Variants in DCAF8L2 observed in about 807,000 individuals in gnomAD.
DCAF8L2 encodes the protein DDB1 and CUL4 associated factor 8 like 2.
For missense variants in DCAF8L2, 430 were observed against 490.7 expected (o/e 0.88, Z 1.17); for synonymous variants, 200 against 190.9 (o/e 1.05, Z -0.39).
chrX:27,615,838 T>G (rs1252419984), intron 1 of DCAF8L2, among the ~76,000 whole-genome samples: 1 of 111,356 alleles, frequency 9.0e-6, no homozygotes, highest in East Asian at 2.8e-4. Context: ...TTAAAGTTTA[T>G]GAACTTCAGA....
chrX:27,499,788 G>A, the DCAF8L2 span, among the ~76,000 whole-genome samples: 1 of 110,167 alleles, frequency 9.1e-6, no homozygotes, highest in Admixed American at 9.7e-5. Flanking sequence ...GTCCAATCAG[G>A]TCCCACCCGC....
At chrX:27,568,267 T>A in the DCAF8L2 span, among the ~76,000 whole-genome samples, 3 of 111,570 alleles carry the variant, frequency 2.7e-5, no homozygotes, top group Non-Finnish European at 3.8e-5. Flanking sequence ...AAAGTAATAT[T>A]GCTGATTTGT....
At chrX:27,582,003 T>A in the DCAF8L2 span, among the ~76,000 whole-genome samples, 21,774 of 111,723 alleles carry the variant, frequency 0.19, 1,815 homozygotes, top group East Asian at 0.36. Context: ...AAAGATGTAG[T>A]TGTTCACTTG....
chrX:27,601,197 A>C (rs1247997311), intron 1 of DCAF8L2, among the ~76,000 whole-genome samples: 1 of 111,893 alleles, frequency 8.9e-6, no homozygotes, highest in Non-Finnish European at 1.9e-5. Context: ...TTTTTCCAAG[A>C]GTCTTTGGCA....
At chrX:27,645,108 A>T (rs1195361681) in intron 2 of DCAF8L2, among the ~76,000 whole-genome samples, 2 of 111,805 alleles carry the variant, frequency 1.8e-5, no homozygotes, top group Non-Finnish European at 3.8e-5. Flanking sequence ...CCTGGCACAG[A>T]TATAACAGAA....
chrX:27,587,983 A>ATAT (rs1364508107), upstream of DCAF8L2, among the ~76,000 whole-genome samples: 2 of 25,130 alleles, frequency 8.0e-5, no homozygotes, highest in African/African-American at 3.6e-4. Context: ...ATTAAAAAAA[A>ATAT]AAATATATAT....
the DCAF8L2 span, among the ~76,000 whole-genome samples, chrX:27,481,349 G>A: frequency 2.7e-5 from 3 of 110,783 alleles, no homozygotes; most frequent in Non-Finnish European, 3.8e-5. Context: ...TTGCACTCCA[G>A]CCTGGGCAAC....
At chrX:27,591,490 C>G (rs1926090321) in intron 1 of DCAF8L2, among the ~76,000 whole-genome samples, 1 of 111,428 alleles carries the variant, frequency 9.0e-6, no homozygotes, top group South Asian at 3.8e-4. Flanking sequence ...CCCCTTCCCT[C>G]TACCTCTCTC....
At chrX:27,556,077 C>T in the DCAF8L2 span, among the ~76,000 whole-genome samples, 1 of 111,361 alleles carries the variant, frequency 9.0e-6, no homozygotes, top group Non-Finnish European at 1.9e-5. Context: ...TGAAACTTCA[C>T]CTTCTCCAAT....
chrX:27,644,743 T>A (rs960125024), intron 2 of DCAF8L2, among the ~76,000 whole-genome samples: 2 of 111,717 alleles, frequency 1.8e-5, no homozygotes, highest in African/African-American at 6.5e-5. Context: ...GAGGGACTCA[T>A]CCCTAACTCT....
chrX:27,623,571 T>A (rs6630529), intron 1 of DCAF8L2, among the ~76,000 whole-genome samples: 19,589 of 109,363 alleles, frequency 0.18, 1,447 homozygotes, highest in East Asian at 0.4. Flanking sequence ...GTAAAAAAAA[T>A]TTGGGAAAGT....
At chrX:27,682,263 C>T (rs998197551) in intron 3 of DCAF8L2, among the ~76,000 whole-genome samples, 2 of 111,897 alleles carry the variant, frequency 1.8e-5, no homozygotes, top group Non-Finnish European at 3.8e-5. Flanking sequence ...CTGTGCCCAG[C>T]TGGTTTTAAT....
chrX:27,530,442 A>G, the DCAF8L2 span, among the ~76,000 whole-genome samples: 3 of 111,070 alleles, frequency 2.7e-5, no homozygotes, highest in African/African-American at 9.8e-5. Context: ...GGTTGAGTGT[A>G]GAGCAGATAA....
chrX:27,647,210 C>T (rs1393510859), intron 2 of DCAF8L2, among the ~76,000 whole-genome samples: 1 of 112,070 alleles, frequency 8.9e-6, no homozygotes, highest in African/African-American at 3.2e-5. Context: ...ACATATACAC[C>T]ATGGAGTACT....
intron 1 of DCAF8L2, among the ~76,000 whole-genome samples, chrX:27,593,697 T>C (rs1926222218): frequency 8.9e-6 from 1 of 111,909 alleles, no homozygotes; most frequent in Non-Finnish European, 1.9e-5. Flanking sequence ...AGATGCTTGC[T>C]CCAGGGACCC....
intron 4 of DCAF8L2, among the ~76,000 whole-genome samples, chrX:27,733,023 A>G (rs1248254267): frequency 1.8e-5 from 2 of 110,131 alleles, no homozygotes; most frequent in East Asian, 2.9e-4. Context: ...ATGCCCGGCT[A>G]ATTTTTTATA....
At position 27,702,684 on chromosome X, in the gene DCAF8L2, A is replaced by G. The variant is rs767202853; in HGVS notation, c.-142-13404A>G. Among the ~76,000 whole-genome samples the G allele has an allele frequency of 6.3e-5, 7 of 111,279 alleles. No individual in the cohort carries two copies. The Admixed American group carries it at 6.7e-4, about 11-fold the overall frequency. ...TCATGATAAAGCATCTTAACAAGCT[A>G]GTAATAAAAGATAACTGCTTCAAAT... On this transcript the variant is annotated intron_variant, in intron 3 of 4. Transcript: ENST00000451261.
chrX:27,628,094 C>T (rs915252042), intron 1 of DCAF8L2, among the ~76,000 whole-genome samples: 4 of 110,823 alleles, frequency 3.6e-5, no homozygotes, highest in Non-Finnish European at 5.7e-5. Flanking sequence ...TCTCAATTTC[C>T]CCCACTTTCC....
At chrX:27,520,893 T>A in the DCAF8L2 span, among the ~76,000 whole-genome samples, 1 of 112,006 alleles carries the variant, frequency 8.9e-6, no homozygotes, top group African/African-American at 3.2e-5. Context: ...TCTCAAAATA[T>A]GAGAACTTTC....
Sources: allele counts gnomAD v4.1 joint callset (sites outside exome capture counted in the v4.1 genomes callset), GRCh38; gene constraint gnomAD v4.1.1; transcripts MANE v1.5; gene names NCBI Gene and HGNC (gene_info 2026-07-23, HGNC 2026-07-21).